The following TPCN2 variants were observed in gnomAD, a reference collection of about 807,000 sequenced individuals.
The protein encoded by TPCN2 is two pore segment channel 2, also known as two pore channel protein 2.
Under a neutral mutation model 111.4 loss-of-function variants are expected in TPCN2, and 92 were observed. That is an observed-to-expected ratio of 0.83 (90% confidence interval 0.70 to 0.98). The LOEUF is 0.98. Ranked by LOEUF, TPCN2 falls within the 50% of genes least tolerant of loss-of-function variation. The pLI is 0.00. For missense variants in TPCN2, 995 were observed against 980.1 expected, an observed-to-expected ratio of 1.02 and a Z score of -0.20; for synonymous variants, 405 against 414.5, an observed-to-expected ratio of 0.98 and a Z score of 0.28.
chr11:69,072,777 T>G lies in TPCN2; in HGVS notation c.1143+69T>G, dbSNP rs975073713. 51 of 1,588,224 alleles carry G rather than the reference T, an allele frequency of 3.2e-5. No homozygotes were observed. In the Middle Eastern group the frequency reaches 9.8e-4, roughly 30 times the overall value. On this transcript the variant is annotated intron_variant, in intron 12 of 24. Coordinates refer to ENST00000294309, the MANE Select transcript of TPCN2 (RefSeq NM_139075.4). ...AGGTCACTTGGGCCAGCAGCCCCTT[T>G]TCAGGACTAGGGGTGTGGCTTCAGG... is the stretch of plus-strand genomic sequence containing the variant.
intron 23 of TPCN2, 34 bp from the exon 24 acceptor site, chr11:69,087,078 C>T (rs766032114): frequency 8.8e-6 from 14 of 1,583,874 alleles, no homozygotes; most frequent in Middle Eastern, 1.7e-4. Flanking sequence ...TCATTCGGGG[C>T]CCACACTCAC....
rs1382119697 is a variant in TPCN2 at position 69,089,576 on chromosome 11, G to C, written c.*1623G>C. 6.6e-6 allele frequency: 1 copy of C among 152,294 alleles called. No homozygotes were observed. Among genetic ancestry groups the C allele is most frequent in the Admixed American group, 6.5e-5 (1 of 15,290 alleles). The allele number at this position is 152,294 out of a possible 1,614,324, so 9.4% of individuals were successfully genotyped here. On this transcript the variant is annotated 3_prime_UTR_variant, in exon 25 of 25. Transcript: ENST00000294309. Reference sequence around the variant, plus strand: ...AGGTTCTGGGTCTGCGTTTCGTCTAGGAGTGTCACAGGATGGACACTGCCT... The same window carrying C: ...AGGTTCTGGGTCTGCGTTTCGTCTACGAGTGTCACAGGATGGACACTGCCT...
At chr11:69,080,083 C>A (rs1238177695) in intron 17 of TPCN2, among the ~76,000 whole-genome samples, 200 bp downstream of exon 17, 1 of 152,240 alleles carries the variant, frequency 6.6e-6, no homozygotes, top group Non-Finnish European at 1.5e-5. Context: ...GGGGTCCTCT[C>A]TCCAGAAGCT....
At chr11:69,084,291 A>G (rs1284615176) in intron 19 of TPCN2, among the ~76,000 whole-genome samples, 1 of 151,982 alleles carries the variant, frequency 6.6e-6, no homozygotes, top group African/African-American at 2.4e-5. Context: ...GTAATTTTTG[A>G]GTCTCTCGTG....
intron 1 of TPCN2, among the ~76,000 whole-genome samples, chr11:69,049,986 A>T (rs1260148633): frequency 1.3e-5 from 2 of 152,110 alleles, no homozygotes; most frequent in Non-Finnish European, 2.9e-5. Flanking sequence ...GAGAATTCAC[A>T]CCTGGCTCCT....
chr11:69,074,770 C>A (rs1325637908), intron 13 of TPCN2, among the ~76,000 whole-genome samples: 1 of 152,220 alleles, frequency 6.6e-6, no homozygotes, highest in African/African-American at 2.4e-5. Flanking sequence ...CAGGCAGACA[C>A]AGGCTGGGAG....
intron 1 of TPCN2, among the ~76,000 whole-genome samples, chr11:69,052,148 T>TGG (rs1409809171): frequency 1.3e-5 from 2 of 152,132 alleles, no homozygotes; most frequent in Non-Finnish European, 2.9e-5. Flanking sequence ...ATGGCTGGCC[T>TGG]GGGTGGATGT....
intron 13 of TPCN2, among the ~76,000 whole-genome samples, chr11:69,076,575 GCTCTGTCCCT>G (rs1855761740): frequency 2.0e-4 from 28 of 143,500 alleles, no homozygotes; most frequent in African/African-American, 5.8e-4. Flanking sequence ...CTGCCCTCCT[GCTCTGTCCCT>G]CCACCTGCCC....
intron 17 of TPCN2, 101 bp downstream of exon 17, chr11:69,079,984 T>C (rs972083218): frequency 8.8e-7 from 1 of 1,137,514 alleles, no homozygotes; most frequent in African/African-American, 1.5e-5. Flanking sequence ...GGGTCTGCTC[T>C]GACTCTAGGG....
intron 18 of TPCN2, 39 bp downstream of exon 18, chr11:69,081,538 G>T: frequency 6.9e-7 from 1 of 1,453,690 alleles, no homozygotes; most frequent in Non-Finnish European, 9.3e-7. Flanking sequence ...CCACCCTCCT[G>T]GGTCATGCTG....
chr11:69,058,687 A>G (rs3019776), intron 5 of TPCN2, among the ~76,000 whole-genome samples: 128,022 of 152,250 alleles, frequency 0.84, 54,565 homozygotes, highest in Non-Finnish European at 0.88. Flanking sequence ...GCAGAGCGGA[A>G]GGGTGGCTGG....
chr11:69,089,064 G>T lies in TPCN2; in HGVS notation c.*1111G>T, dbSNP rs1213756982. 1.3e-5 allele frequency: 2 copies of T among 152,240 alleles called. No individual in the cohort carries two copies. The highest frequency in any genetic ancestry group is 4.8e-5 in the African/African-American group (2 of 41,442). The allele number at this position is 152,240 out of a possible 1,614,324, so 9.4% of individuals were successfully genotyped here. On this transcript the variant is annotated 3_prime_UTR_variant, in exon 25 of 25. Transcript: ENST00000294309. ...GGTTGCCCCTGCACTGTGCATTCTCGCCTGGGAGGCACAAGTTCTTTCATC... is the reference window on the plus strand; with the variant it reads ...GGTTGCCCCTGCACTGTGCATTCTCTCCTGGGAGGCACAAGTTCTTTCATC...
chr11:69,049,231 C>T, intron 1 of TPCN2, 125 bp downstream of exon 1: 3 of 590,608 alleles, frequency 5.1e-6, no homozygotes, highest in Non-Finnish European at 7.4e-6. Context: ...CCGAGCGGGG[C>T]CCGGGCCGCG....
At chr11:69,082,201 G>T (rs916306823) in intron 18 of TPCN2, among the ~76,000 whole-genome samples, 1 of 152,088 alleles carries the variant, frequency 6.6e-6, no homozygotes, top group Non-Finnish European at 1.5e-5. Context: ...ACCTTCATAC[G>T]CACACACACG....
chr11:69,060,495 G>A (rs958830577), intron 5 of TPCN2, among the ~76,000 whole-genome samples: 5 of 152,178 alleles, frequency 3.3e-5, no homozygotes, highest in East Asian at 3.9e-4. Context: ...GGTTTTGCTC[G>A]TTCACTCTTG....
At chr11:69,072,223 C>T (rs899951996) in intron 11 of TPCN2, among the ~76,000 whole-genome samples, 200 bp downstream of exon 11, 13 of 125,214 alleles carry the variant, frequency 1.0e-4, no homozygotes, top group East Asian at 6.5e-4. Flanking sequence ...CCTTTGTCTT[C>T]GTGCCCCCCG....
chr11:69,065,080 T>C (rs1342301970), intron 7 of TPCN2, among the ~76,000 whole-genome samples: 1 of 151,714 alleles, frequency 6.6e-6, no homozygotes, highest in Non-Finnish European at 1.5e-5. Context: ...GCATGCATGG[T>C]GTCTGTATGT....
chr11:69,050,473 G>A (rs955600092), intron 1 of TPCN2, among the ~76,000 whole-genome samples: 5 of 152,208 alleles, frequency 3.3e-5, no homozygotes, highest in African/African-American at 7.2e-5. Flanking sequence ...CCTCTGCTGG[G>A]TTGAAGCGAT....
intron 1 of TPCN2, among the ~76,000 whole-genome samples, chr11:69,052,170 G>A (rs1431207609): frequency 2.0e-5 from 3 of 152,096 alleles, no homozygotes; most frequent in Non-Finnish European, 4.4e-5. Flanking sequence ...AGTACTTTCC[G>A]TGGTCCTGGG....
Sources: gnomAD v4.1 joint callset for allele counts (sites outside exome capture counted in the v4.1 genomes callset) on GRCh38, gnomAD v4.1.1 for gene constraint, MANE v1.5 for transcripts, NCBI Gene and HGNC (gene_info 2026-07-23, HGNC 2026-07-21) for gene names.